Variants in WIPF3 observed in about 807,000 individuals in gnomAD.
The protein encoded by WIPF3 is WAS/WASL-interacting protein family member 3.
Under a neutral mutation model 38.9 loss-of-function variants are expected in WIPF3, and 33 were observed. The ratio of observed to expected loss-of-function variants is 0.85; its 90% CI spans 0.64 to 1.14. The LOEUF (loss-of-function observed/expected upper bound fraction) is 1.14. WIPF3 is among the 50% of genes most tolerant of loss of function. WIPF3 has a pLI of 0.00. For missense variants in WIPF3, 711 were observed against 652.5 expected, an observed-to-expected ratio of 1.09 and a Z score of -0.98; for synonymous variants, 324 against 269.3, an observed-to-expected ratio of 1.20 and a Z score of -1.99.
chr7:29,910,425 T>C (rs894451540), intron 8 of WIPF3, among the ~76,000 whole-genome samples: 3 of 152,092 alleles, frequency 2.0e-5, no homozygotes, highest in Non-Finnish European at 4.4e-5. Context: ...ATCTATTCTA[T>C]GAGACCAGCA....
At chr7:29,902,133 AGATTGCAGACCCCT>A (rs986703126) in intron 7 of WIPF3, among the ~76,000 whole-genome samples, 4 of 152,138 alleles carry the variant, frequency 2.6e-5, no homozygotes, top group African/African-American at 9.7e-5. Flanking sequence ...AATAAAGCCA[AGATTGCAGACCCCT>A]GGCCTAGAAG....
chr7:29,846,727 C>T (rs562564402), intron 2 of WIPF3, among the ~76,000 whole-genome samples: 16 of 152,286 alleles, frequency 1.1e-4, no homozygotes, highest in Middle Eastern at 3.4e-3. Context: ...AAAAACAACA[C>T]GGGGTGTAAA....
intron 2 of WIPF3, among the ~76,000 whole-genome samples, chr7:29,843,643 A>T (rs1393734106): frequency 6.6e-6 from 1 of 152,104 alleles, no homozygotes. Context: ...TTCCTAGAAA[A>T]CTGCCAGCGA....
At chr7:29,815,865 G>A (rs568276075) in intron 1 of WIPF3, among the ~76,000 whole-genome samples, 3 of 152,164 alleles carry the variant, frequency 2.0e-5, no homozygotes, top group East Asian at 3.9e-4. Flanking sequence ...CTGGTCAGTC[G>A]CCTCTAACTT....
Position 29,884,591 on chromosome 7 carries a change from C to G in WIPF3, c.1097C>G (p.Pro366Arg). Residue 366 changes from proline to arginine, a missense_variant and splice_region_variant, in exon 5 of 9, where the codon CCA becomes CGA. Pro to Arg is a moderately radical substitution (Grantham distance 103, BLOSUM62 -2). Transcript: ENST00000242140. ...CTGCAGAAGAAGAGGCATGGCCGAC[C>G]AGGTAAGGAGCGCTGCCTGGCCCAG... ...PFLQKKRHGRPGAGGGKLNPP... is the reference protein window; with the variant it reads ...PFLQKKRHGRRGAGGGKLNPP... The G allele has an allele frequency of 6.2e-7, 1 of 1,604,530 alleles. No homozygotes were observed. The highest frequency in any genetic ancestry group is 8.5e-7 in the Non-Finnish European group (1 of 1,176,850).
rs547559251 is a variant in WIPF3 at position 29,878,215 on chromosome 7, G to C, written c.224-794G>C. ...ACTTCCTAATCATTCTCATGAGTAAGTAATGTACAATATTAATACTCAGAA... is the reference window on the plus strand; with the variant it reads ...ACTTCCTAATCATTCTCATGAGTAACTAATGTACAATATTAATACTCAGAA... On this transcript the variant is annotated intron_variant, in intron 3 of 8. Coordinates refer to ENST00000242140, the MANE Select transcript of WIPF3 (RefSeq NM_001080529.3). The surrounding 1 kb of genome is among the most constrained non-coding windows in gnomAD (Gnocchi z 4.0). Among the ~76,000 whole-genome samples the C allele has an allele frequency of 3.2e-4, 48 of 152,344 alleles. No homozygotes were observed. In the South Asian group the frequency reaches 9.5e-3, roughly 30 times the overall value.
chr7:29,843,321 A>G (rs1187350514), intron 2 of WIPF3, among the ~76,000 whole-genome samples: 2 of 152,168 alleles, frequency 1.3e-5, no homozygotes. Context: ...GCAGGAACAA[A>G]GAGGAGAGGG....
intron 2 of WIPF3, among the ~76,000 whole-genome samples, chr7:29,868,278 A>C (rs1785427326): frequency 6.6e-6 from 1 of 152,136 alleles, no homozygotes; most frequent in South Asian, 2.1e-4. Context: ...GAAAGAAGAG[A>C]CAGGGGATAA....
Position 29,895,638 on chromosome 7 carries a change from A to G in WIPF3, c.1351+6231A>G, listed in dbSNP as rs1361177120. On this transcript the variant is annotated intron_variant, in intron 7 of 8. Coordinates refer to ENST00000242140, the MANE Select transcript of WIPF3 (RefSeq NM_001080529.3). Reference sequence around the variant, plus strand: ...TTCTGCAGGCTGTACAGGAAGCATAATGCCAGCATTTGCTTCTTGGGAAGC... The same window carrying G: ...TTCTGCAGGCTGTACAGGAAGCATAGTGCCAGCATTTGCTTCTTGGGAAGC... Among the ~76,000 whole-genome samples, 6 of 152,230 alleles carry G rather than the reference A, an allele frequency of 3.9e-5. 1 individual carries two copies. The highest frequency in any genetic ancestry group is 7.3e-5 in the Non-Finnish European group (5 of 68,042).
At chr7:29,835,081 G>A (rs901669020) in intron 2 of WIPF3, among the ~76,000 whole-genome samples, 2 of 151,564 alleles carry the variant, frequency 1.3e-5, no homozygotes, top group African/African-American at 4.9e-5. Context: ...CTGCTGCTTG[G>A]TACAGGCTCG....
intron 5 of WIPF3, 27 bp from the exon 6 acceptor site, chr7:29,888,041 T>C: frequency 1.2e-6 from 2 of 1,613,548 alleles, no homozygotes; most frequent in East Asian, 4.5e-5. Context: ...TCCGTGTTTC[T>C]GAGTACACCA....
At chr7:29,875,588 G>A (rs1247659152) in intron 2 of WIPF3, among the ~76,000 whole-genome samples, 19 of 152,114 alleles carry the variant, frequency 1.2e-4, no homozygotes, top group Admixed American at 1.2e-3. Context: ...AGACCTCCAG[G>A]AGCTTGTGCA....
At chr7:29,809,908 C>T (rs1217844882) in intron 1 of WIPF3, among the ~76,000 whole-genome samples, 1 of 152,170 alleles carries the variant, frequency 6.6e-6, no homozygotes, top group East Asian at 1.9e-4. Context: ...TTCCAGCTAA[C>T]ACCGCATCTA....
chr7:29,859,256 G>T (rs1413815552), intron 2 of WIPF3, among the ~76,000 whole-genome samples: 1 of 152,212 alleles, frequency 6.6e-6, no homozygotes, highest in Non-Finnish European at 1.5e-5. Flanking sequence ...GTTGAGCAGG[G>T]AGCTGAGAGA....
intron 7 of WIPF3, among the ~76,000 whole-genome samples, chr7:29,898,328 GTC>G (rs1451738800): frequency 1.3e-5 from 2 of 152,210 alleles, no homozygotes; most frequent in South Asian, 4.1e-4. Context: ...GAACTCGGGT[GTC>G]TCTCCTTGAA....
intron 1 of WIPF3, among the ~76,000 whole-genome samples, chr7:29,806,917 C>T (rs1409989837): frequency 6.6e-6 from 1 of 151,298 alleles, no homozygotes; most frequent in African/African-American, 2.4e-5. Context: ...CCCGGCCGGG[C>T]CGGGCCGGGC....
chr7:29,826,047 A>G (rs774164719), intron 1 of WIPF3, among the ~76,000 whole-genome samples: 42 of 152,118 alleles, frequency 2.8e-4, no homozygotes, highest in Non-Finnish European at 3.8e-4. Flanking sequence ...ATTTGCATGG[A>G]CCCAGCCTGC....
rs770692195 is a variant in WIPF3, at chr7:29,884,561, C to G, written c.1067C>G (p.Pro356Arg). The change falls in exon 5 of 9, where the codon CCG becomes CGG. Residue 356 changes from proline to arginine, a missense_variant. Pro to Arg is a moderately radical substitution (Grantham distance 103). Coordinates refer to ENST00000242140, the MANE Select transcript of WIPF3 (RefSeq NM_001080529.3). ...PAPPAPPGSQPFLQKKRHGRP... is the reference protein window; with the variant it reads ...PAPPAPPGSQRFLQKKRHGRP... ...CCGCCTGCCCCTCCGGGCTCCCAGC[C>G]GTTCCTGCAGAAGAAGAGGCATGGC... 6.9e-6 allele frequency: 11 copies of G among 1,603,862 alleles called. No homozygotes were observed. Among genetic ancestry groups the G allele is most frequent in the African/African-American group, 2.7e-5 (2 of 74,804 alleles).
intron 1 of WIPF3, among the ~76,000 whole-genome samples, chr7:29,807,141 A>G (rs1784294681): frequency 6.6e-6 from 1 of 151,906 alleles, no homozygotes; most frequent in South Asian, 2.1e-4. Flanking sequence ...GGGCGGAGTA[A>G]AAGAGAGCTA....
Sources: allele counts gnomAD v4.1 joint callset (sites outside exome capture counted in the v4.1 genomes callset), GRCh38; gene constraint gnomAD v4.1.1; non-coding constraint Gnocchi (gnomAD v3.1); transcripts MANE v1.5; gene names NCBI Gene and HGNC (gene_info 2026-07-23, HGNC 2026-07-21).